UBR4: variants seen among roughly 807,000 people sequenced by gnomAD.
The protein encoded by UBR4 is ubiquitin protein ligase E3 component n-recognin 4, also known as E3 ubiquitin-protein ligase UBR4.
In UBR4, 124 loss-of-function variants were observed where a neutral mutation model predicts 575.6. The observed-to-expected ratio is 0.22, with a 90% CI of 0.19 to 0.25. UBR4 has a LOEUF of 0.25. Among genes scored for constraint, UBR4 ranks in the 10% least tolerant of loss-of-function variants. UBR4 has a pLI of 1.00. For synonymous variants in UBR4, 2,455 were observed against 2,473.7 expected (o/e 0.99, Z 0.22); for missense variants, 4,818 against 6,478.8 (o/e 0.74, Z 8.80).
chr1:19,110,968 G>A lies in UBR4; in HGVS notation c.11802-136C>T, dbSNP rs576727928. 1.0e-4 allele frequency: 86 copies of A among 823,568 alleles called. No individual in the cohort carries two copies. In the South Asian group the frequency reaches 1.5e-3, roughly 15 times the overall value. 51.0% of individuals were successfully genotyped at this position (823,568 alleles called of 1,614,324 possible). Reference sequence around the variant, plus strand: ...CCAAATTTTCTACTTCCTTCCCGGGGCAAGACTAGAACTTTAGCTTCACAA... The same window carrying A: ...CCAAATTTTCTACTTCCTTCCCGGGACAAGACTAGAACTTTAGCTTCACAA... On this transcript the variant is annotated intron_variant, in intron 78 of 105. Coordinates refer to ENST00000375254, the MANE Select transcript of UBR4 (RefSeq NM_020765.3). The surrounding 1 kb of genome is among the most constrained non-coding windows in gnomAD (Gnocchi z 4.5).
intron 90 of UBR4, among the ~76,000 whole-genome samples, chr1:19,097,689 G>T (rs541845267): frequency 1.3e-5 from 2 of 152,240 alleles, no homozygotes; most frequent in South Asian, 4.1e-4. Flanking sequence ...TCCAAGCCTG[G>T]ACCTTCCTCA....
chr1:19,197,981 G>A lies in UBR4; in HGVS notation c.717C>T (p.Phe239=). ...QASAIKTKNV[F]IAQNVASLQE... Reference sequence around the variant, plus strand: ...GAAGACTAGCCACGTTCTGAGCTATGAACACATTCTTGGTTTTGATAGCTG... The same window carrying A: ...GAAGACTAGCCACGTTCTGAGCTATAAACACATTCTTGGTTTTGATAGCTG... The change falls in exon 6 of 106, where the codon TTC becomes TTT. Residue 239 remains phenylalanine (F), a synonymous_variant. Transcript: ENST00000375254. 6.2e-7 allele frequency: 1 copy of A among 1,614,150 alleles called. No individual in the cohort carries two copies. Among genetic ancestry groups the A allele is most frequent in the South Asian group, 1.1e-5 (1 of 91,078 alleles).
intron 1 of UBR4, among the ~76,000 whole-genome samples, chr1:19,202,208 A>C (rs969832061): frequency 1.3e-5 from 2 of 152,138 alleles, no homozygotes; most frequent in African/African-American, 4.8e-5. Flanking sequence ...AAGATTGGGA[A>C]GGTGAAGCTT....
At chr1:19,181,607 C>G (rs2090967081) in intron 17 of UBR4, among the ~76,000 whole-genome samples, 1 of 152,116 alleles carries the variant, frequency 6.6e-6, no homozygotes, top group East Asian at 1.9e-4. Context: ...CTCAAGTTAT[C>G]TTTATTTCCT....
At chr1:19,144,224 G>A (rs998034367) in intron 54 of UBR4, 133 bp from the exon 55 acceptor site, 9 of 725,448 alleles carry the variant, frequency 1.2e-5, no homozygotes, top group Middle Eastern at 3.8e-4. Flanking sequence ...GCAACCCAGC[G>A]GACCAAGTTC....
intron 99 of UBR4, 81 bp from the exon 100 acceptor site, chr1:19,086,902 G>A (rs1317050966): frequency 1.5e-5 from 23 of 1,555,186 alleles, no homozygotes; most frequent in Admixed American, 1.1e-4. Flanking sequence ...GGGAACTGCC[G>A]CCCTTCTTGG....
rs1465848606 is a variant in UBR4, at chr1:19,139,221, C to G, written c.8594-1G>C. The G allele has an allele frequency of 1.9e-6, 3 of 1,603,984 alleles. No homozygotes were observed. The highest frequency in any genetic ancestry group is 2.6e-6 in the Non-Finnish European group (3 of 1,174,696). On this transcript the variant is annotated splice_acceptor_variant, in intron 58 of 105. Coordinates refer to ENST00000375254, the MANE Select transcript of UBR4 (RefSeq NM_020765.3). LOFTEE classifies it high-confidence loss of function. The surrounding 1 kb of genome is among the most constrained non-coding windows in gnomAD (Gnocchi z 4.2). ...CTGCCCTCGTCGTCTGAGGCTGGAG[C>G]TGAGAGAGTAACGAGAGCTGTTACA...
intron 54 of UBR4, 57 bp from the exon 55 acceptor site, chr1:19,144,148 T>C (rs924847978): frequency 5.4e-6 from 8 of 1,490,854 alleles, no homozygotes; most frequent in South Asian, 3.4e-5. Context: ...TGAAACTCTC[T>C]ATAAAACACT....
At chr1:19,168,990 A>AAG (rs1415494290) in intron 27 of UBR4, among the ~76,000 whole-genome samples, 2 of 152,042 alleles carry the variant, frequency 1.3e-5, no homozygotes, top group South Asian at 4.2e-4. Context: ...AAAAAAAAAA[A>AAG]AAGAAGACTC....
intron 14 of UBR4, among the ~76,000 whole-genome samples, chr1:19,185,980 A>C (rs2091491339): frequency 6.6e-6 from 1 of 152,186 alleles, no homozygotes; most frequent in South Asian, 2.1e-4. Context: ...ATCAACCATA[A>C]ATCACAGGAC....
chr1:19,107,645 C>T (rs2079370688), intron 81 of UBR4, among the ~76,000 whole-genome samples: 1 of 151,930 alleles, frequency 6.6e-6, no homozygotes, highest in Non-Finnish European at 1.5e-5. Context: ...ATTAGCTGGG[C>T]ACGGTAGTAT....
rs1346972421 is a variant in UBR4 at position 19,192,292 on chromosome 1, A to T, written c.1290T>A (p.Ala430=). The change falls in exon 11 of 106, where the codon GCT becomes GCA. Residue 430 remains alanine, a synonymous_variant. Transcript: ENST00000375254. ...LILNLSPTAL[A]DKGKEKDPLA... ...GTGGGTCCTTCTCTTTCCCCTTATC[A>T]GCCAACGCAGTAGGACTGAGGTTCA... is the stretch of plus-strand genomic sequence containing the variant. 6.2e-7 allele frequency: 1 copy of T among 1,614,182 alleles called. No homozygotes were observed. The highest frequency in any genetic ancestry group is 8.5e-7 in the Non-Finnish European group (1 of 1,180,034).
chr1:19,194,702 T>C (rs1036858864), intron 8 of UBR4, among the ~76,000 whole-genome samples: 1 of 151,982 alleles, frequency 6.6e-6, no homozygotes, highest in African/African-American at 2.4e-5. Flanking sequence ...CTCGGGAAGC[T>C]GAAGCAGGAG....
chr1:19,184,482 T>C (rs1181164681), intron 15 of UBR4, among the ~76,000 whole-genome samples: 1 of 152,208 alleles, frequency 6.6e-6, no homozygotes, highest in Non-Finnish European at 1.5e-5. Flanking sequence ...AGGTCCTTTG[T>C]CCGGCTCCAA....
intron 11 of UBR4, 148 bp from the exon 12 acceptor site, chr1:19,187,688 C>T (rs1330188405): frequency 4.6e-6 from 3 of 655,290 alleles, no homozygotes; most frequent in Non-Finnish European, 7.9e-6. Context: ...ATACATACAT[C>T]TGCATATAAT....
rs78358324 is a variant in UBR4 at position 19,122,941 on chromosome 1, G to A, written c.9708C>T (p.His3236=). 337 of 1,614,238 alleles carry A rather than the reference G, an allele frequency of 2.1e-4. 2 individuals carry two copies. In the African/African-American group the frequency reaches 3.6e-3, roughly 17 times the overall value. The change falls in exon 66 of 106, where the codon CAC becomes CAT. Residue 3236 remains histidine, a synonymous_variant. Coordinates refer to ENST00000375254, the MANE Select transcript of UBR4 (RefSeq NM_020765.3). ...QLRDLHTLDS[H]VRGIKKLLEE... is the part of the protein sequence containing the mutation. ...CTAGCAGCTTCTTGATCCCACGCAC[G>A]TGAGAGTCCAGGGTGTGCAAATCCC...
chr1:19,156,426 G>A lies in UBR4; in HGVS notation c.5920-3C>T, dbSNP rs745687669. ...CTAAAGGTGAGCACATGACAGTCCTGGACAATGTTTAAGAAACAAAATGGT... is the reference window on the plus strand; with the variant it reads ...CTAAAGGTGAGCACATGACAGTCCTAGACAATGTTTAAGAAACAAAATGGT... On this transcript the variant is annotated splice_region_variant and splice_polypyrimidine_tract_variant and intron_variant, in intron 41 of 105. Transcript: ENST00000375254. 6.2e-7 allele frequency: 1 copy of A among 1,611,262 alleles called. No individual in the cohort carries two copies.
intron 55 of UBR4, among the ~76,000 whole-genome samples, chr1:19,143,234 GGCA>G (rs1227402373): frequency 1.1e-5 from 1 of 93,320 alleles, no homozygotes. Context: ...AAGGAAGGAA[GGCA>G]GGAAGGAAGG....
intron 11 of UBR4, among the ~76,000 whole-genome samples, chr1:19,190,825 T>A (rs2092015808): frequency 1.3e-5 from 2 of 152,230 alleles, no homozygotes; most frequent in African/African-American, 2.4e-5. Context: ...CGCTGCTAAC[T>A]GTTCTCCCTC....
Sources: allele counts gnomAD v4.1 joint callset (sites outside exome capture counted in the v4.1 genomes callset), GRCh38; gene constraint gnomAD v4.1.1; non-coding constraint Gnocchi (gnomAD v3.1); transcripts MANE v1.5; gene names NCBI Gene and HGNC (gene_info 2026-07-23, HGNC 2026-07-21).